RGMB: variants seen among roughly 807,000 people sequenced by gnomAD.
RGMB encodes repulsive guidance molecule BMP co-receptor b, also known as repulsive guidance molecule B.
A neutral mutation model predicts 26.9 loss-of-function variants in RGMB; 16 were observed. The ratio of observed to expected loss-of-function variants is 0.60; its 90% CI spans 0.40 to 0.90. The LOEUF (loss-of-function observed/expected upper bound fraction) is 0.90. Among genes scored for constraint, RGMB ranks in the 40% least tolerant of loss-of-function variants. RGMB has a pLI of 0.00. For synonymous variants in RGMB, 225 were observed against 229.3 expected, an observed-to-expected ratio of 0.98 and a Z score of 0.17; for missense variants, 512 against 573.3, an observed-to-expected ratio of 0.89 and a Z score of 1.09.
Position 98,796,422 on chromosome 5 carries a change from CAG to C in RGMB, c.*2670_*2671del, listed in dbSNP as rs1237171669. The C allele has an allele frequency of 1.4e-5, 2 of 143,606 alleles. No individual in the cohort carries two copies. The highest frequency in any genetic ancestry group is 3.0e-5 in the Non-Finnish European group (2 of 66,538). The allele number at this position is 143,606 out of a possible 1,614,324, so 8.9% of individuals were successfully genotyped here. On this transcript the variant is annotated 3_prime_UTR_variant, in exon 3 of 3. Coordinates refer to ENST00000513185, the MANE Select transcript of RGMB (RefSeq NM_001366508.1). Reference sequence around the variant, plus strand: ...TATATGAATACGTATCTGTGTAAAACAGTGAGTGTGCAGTGTGTAAATACTTT... The same window carrying C: ...TATATGAATACGTATCTGTGTAAAACTGAGTGTGCAGTGTGTAAATACTTT...
At chr5:98,776,201 C>G (rs1036793970) in intron 1 of RGMB, among the ~76,000 whole-genome samples, 2 of 152,192 alleles carry the variant, frequency 1.3e-5, no homozygotes, top group Admixed American at 6.5e-5. Flanking sequence ...AATGAAAGCT[C>G]TAGACCCACA....
In RGMB at chr5:98,786,431, A is replaced by G. The variant is rs1746769126; in HGVS notation, c.645+6343A>G. Reference sequence around the variant, plus strand: ...GAACTTGTTTTTCTGTCACATTTCCAAATGTCTGCCTGGTTAAATTTTCTT... The same window carrying G: ...GAACTTGTTTTTCTGTCACATTTCCGAATGTCTGCCTGGTTAAATTTTCTT... On this transcript the variant is annotated intron_variant, in intron 2 of 2. Coordinates refer to ENST00000513185, the MANE Select transcript of RGMB (RefSeq NM_001366508.1). Among the ~76,000 whole-genome samples, 3 of 152,340 alleles carry G rather than the reference A, an allele frequency of 2.0e-5. No homozygotes were observed. In the South Asian group the frequency reaches 6.2e-4, roughly 32 times the overall value.
upstream of RGMB, chr5:98,770,809 A>AT: frequency 1.9e-6 from 1 of 521,350 alleles, no homozygotes. Context: ...CTGAAAAAAA[A>AT]AATGATGTAA....
At chr5:98,790,618 AT>A (rs763136919) in intron 2 of RGMB, among the ~76,000 whole-genome samples, 1 of 152,218 alleles carries the variant, frequency 6.6e-6, no homozygotes, top group Non-Finnish European at 1.5e-5. Flanking sequence ...ATATGGAACC[AT>A]TCCACTCATC....
chr5:98,776,161 C>T (rs1311410505), intron 1 of RGMB, among the ~76,000 whole-genome samples: 2 of 152,142 alleles, frequency 1.3e-5, no homozygotes, highest in African/African-American at 4.8e-5. Flanking sequence ...ATGGTGAGGT[C>T]TTTATGTCTG....
At chr5:98,770,508 C>T (rs1295454138), upstream of RGMB, 1 of 525,788 alleles carries the variant, frequency 1.9e-6, no homozygotes, top group Non-Finnish European at 3.1e-6. Flanking sequence ...TGTCTACGAG[C>T]GGGTGATGAG....
upstream of RGMB, among the ~76,000 whole-genome samples, chr5:98,771,955 C>T (rs548186160): frequency 3.9e-5 from 6 of 152,124 alleles, no homozygotes; most frequent in South Asian, 1.2e-3. Flanking sequence ...AAAATGTAGT[C>T]TTTGTTAGCC....
At chr5:98,787,535 G>C (rs1477538178) in intron 2 of RGMB, among the ~76,000 whole-genome samples, 1 of 152,222 alleles carries the variant, frequency 6.6e-6, no homozygotes, top group Non-Finnish European at 1.5e-5. Context: ...CAAGGTGGCA[G>C]CCTAGGCCTA....
At position 98,793,159 on chromosome 5, in the gene RGMB, G is replaced by GGCA; in HGVS notation, c.722_723insAGC (p.Ala242dup). The GGCA allele has an allele frequency of 6.2e-7, 1 of 1,613,888 alleles. No homozygotes were observed. Among genetic ancestry groups the GGCA allele is most frequent in the Non-Finnish European group, 8.5e-7 (1 of 1,179,816 alleles). On this transcript the variant is annotated inframe_insertion, in exon 3 of 3. Coordinates refer to ENST00000513185, the MANE Select transcript of RGMB (RefSeq NM_001366508.1). ...ACCAAGCTGTGACAGATGACCTGCC[G>GGCA]GCCGCCTTTGTGGATGGCACCACCA...
Position 98,793,206 on chromosome 5 carries a change from A to G in RGMB, c.767A>G (p.Lys256Arg). 6.2e-7 allele frequency: 1 copy of G among 1,614,050 alleles called. No homozygotes were observed. The highest frequency in any genetic ancestry group is 8.5e-7 in the Non-Finnish European group (1 of 1,179,902). ...ACCAGTGGTGGGGACAGCGATGCCAAGAGCCTGCGTATCGTGGAAAGGGAG... is the reference window on the plus strand; with the variant it reads ...ACCAGTGGTGGGGACAGCGATGCCAGGAGCCTGCGTATCGTGGAAAGGGAG... Reference protein sequence around the residue: ...GTTSGGDSDAKSLRIVERESG... With the variant: ...GTTSGGDSDARSLRIVERESG... Residue 256 changes from lysine to arginine, a missense_variant, in exon 3 of 3, where the codon AAG becomes AGG. By Grantham distance (26) the Lys-to-Arg change is conservative (BLOSUM62 2). Transcript: ENST00000513185.
Position 98,773,905 on chromosome 5 carries a change from T to G in RGMB, c.-166T>G. The G allele has an allele frequency of 9.4e-6, 5 of 531,916 alleles. No homozygotes were observed. In the South Asian group the frequency reaches 1.3e-4, roughly 14 times the overall value. The allele number at this position is 531,916 out of a possible 1,614,324, so 32.9% of individuals were successfully genotyped here. A position where few individuals can be genotyped will look rare whatever the true frequency, so the allele number is the denominator to read the frequency against. On this transcript the variant is annotated 5_prime_UTR_variant, in exon 1 of 3. Coordinates refer to ENST00000513185, the MANE Select transcript of RGMB (RefSeq NM_001366508.1). ...CGGACTGGCTGCGCCGGCTGCGCGCTGCTTGCTGCGGCGGTGGTGGCGCCC... is the reference window on the plus strand; with the variant it reads ...CGGACTGGCTGCGCCGGCTGCGCGCGGCTTGCTGCGGCGGTGGTGGCGCCC...
Position 98,779,590 on chromosome 5 carries a change from A to G in RGMB, c.147A>G (p.Gln49=). ...SLGLLHAGDC[Q]QPAQCRIQKC... ...TCTTCTTTCCCATAGGTGACTGCCA[A>G]CAGCCAGCCCAATGTCGAATCCAGA... The change falls in exon 2 of 3, where the codon CAA becomes CAG. Residue 49 remains glutamine, a synonymous_variant. Coordinates refer to ENST00000513185, the MANE Select transcript of RGMB (RefSeq NM_001366508.1). 1 of 1,510,778 alleles carries G rather than the reference A, an allele frequency of 6.6e-7. No homozygotes were observed. Among genetic ancestry groups the G allele is most frequent in the Non-Finnish European group, 8.9e-7 (1 of 1,129,054 alleles). The allele number at this position is 1,510,778 out of a possible 1,614,324, so 93.6% of individuals were successfully genotyped here. A position where few individuals can be genotyped will look rare whatever the true frequency, so the allele number is the denominator to read the frequency against.
At chr5:98,775,197 C>T (rs1172118485) in intron 1 of RGMB, among the ~76,000 whole-genome samples, 1 of 152,140 alleles carries the variant, frequency 6.6e-6, no homozygotes, top group Non-Finnish European at 1.5e-5. Flanking sequence ...TCGATGCCAC[C>T]CAACTGTGCG....
rs80139059 is a variant in RGMB at position 98,779,285 on chromosome 5, T to C, written c.137-295T>C. ...ATAGCAACATTTATAAAATATTTTA[T>C]TTACTATTCCCTTGTAATCTCAACC... is the stretch of plus-strand genomic sequence containing the variant. On this transcript the variant is annotated intron_variant, in intron 1 of 2. Coordinates refer to ENST00000513185, the MANE Select transcript of RGMB (RefSeq NM_001366508.1). Among the ~76,000 whole-genome samples the C allele has an allele frequency of 5.7e-3, 875 of 152,348 alleles. 6 individuals carry two copies. The highest frequency in any genetic ancestry group is 0.02 in the African/African-American group (838 of 41,574).
In RGMB at chr5:98,789,795, G is replaced by T. The variant is rs115015890; in HGVS notation, c.646-3290G>T. Among the ~76,000 whole-genome samples, 1,346 of 152,326 alleles carry T rather than the reference G, an allele frequency of 8.8e-3. 21 individuals carry two copies. The highest frequency in any genetic ancestry group is 0.031 in the African/African-American group (1,302 of 41,582). ...ATAATAAATGGTGTGGCATAGAACA[G>T]ATGTGCCAAATTGAGTTATGACAGC... On this transcript the variant is annotated intron_variant, in intron 2 of 2. Coordinates refer to ENST00000513185, the MANE Select transcript of RGMB (RefSeq NM_001366508.1).
chr5:98,778,610 T>C lies in RGMB; in HGVS notation c.137-970T>C, dbSNP rs189605577. Among the ~76,000 whole-genome samples, 449 of 152,310 alleles carry C rather than the reference T, an allele frequency of 2.9e-3. 2 individuals are homozygous for C. The highest frequency in any genetic ancestry group is 0.01 in the African/African-American group (426 of 41,566). On this transcript the variant is annotated intron_variant, in intron 1 of 2. Transcript: ENST00000513185. ...TTTTCACTAAGTCTGTTGTTTCCAT[T>C]TTATGGAACAGAATATTAAATTATT...
In RGMB at chr5:98,774,109, CGCCGCCGAGGTTGAGCAGCGCCGCA is replaced by C; in HGVS notation, c.43_67del (p.Ala15ProfsTer44). 2 of 1,341,312 alleles carry C rather than the reference CGCCGCCGAGGTTGAGCAGCGCCGCA, an allele frequency of 1.5e-6. No homozygotes were observed. Among genetic ancestry groups the C allele is most frequent in the African/African-American group, 1.5e-5 (1 of 65,908 alleles). 83.1% of individuals were successfully genotyped at this position (1,341,312 alleles called of 1,614,324 possible). ...CAGCACCTTCCAGCGCCGCCGCTGC[CGCCGCCGAGGTTGAGCAGCGCCGCA>C]GCCCCGGGCTCTGCCCCCCGCCGCT... On this transcript the variant is annotated frameshift_variant, in exon 1 of 3. Coordinates refer to ENST00000513185, the MANE Select transcript of RGMB (RefSeq NM_001366508.1). LOFTEE classifies it high-confidence loss of function.
upstream of RGMB, chr5:98,770,460 G>C (rs2112323964): frequency 4.7e-6 from 2 of 425,086 alleles, no homozygotes; most frequent in East Asian, 7.1e-5. Flanking sequence ...TGAGCGGTGA[G>C]AGCAGCGGCG....
At chr5:98,776,817 TG>T (rs1746429027) in intron 1 of RGMB, among the ~76,000 whole-genome samples, 1 of 152,236 alleles carries the variant, frequency 6.6e-6, no homozygotes, top group Non-Finnish European at 1.5e-5. Context: ...CCGGGCGCTG[TG>T]GCTCACGCCT....
Sources: allele counts gnomAD v4.1 joint callset (sites outside exome capture counted in the v4.1 genomes callset), GRCh38; gene constraint gnomAD v4.1.1; transcripts MANE v1.5; gene names NCBI Gene and HGNC (gene_info 2026-07-23, HGNC 2026-07-21).